Variants in USP47 observed in about 807,000 individuals in gnomAD.
USP47 encodes ubiquitin carboxyl-terminal hydrolase 47.
Under a neutral mutation model 165.1 loss-of-function variants are expected in USP47, and 35 were observed. The ratio of observed to expected loss-of-function variants is 0.21; its 90% CI spans 0.16 to 0.28. The LOEUF is 0.28. Ranked by LOEUF, USP47 falls within the 10% of genes least tolerant of loss-of-function variation. The pLI, the probability that USP47 is intolerant of heterozygous loss-of-function variation, is 1.00. For synonymous variants in USP47, 531 were observed against 544.5 expected (o/e 0.98, Z 0.35); for missense variants, 1,277 against 1,607.4 (o/e 0.79, Z 3.52).
At chr11:11,931,465 C>A (rs909715890) in intron 14 of USP47, among the ~76,000 whole-genome samples, 1 of 151,994 alleles carries the variant, frequency 6.6e-6, no homozygotes, top group Non-Finnish European at 1.5e-5. Flanking sequence ...GATTTAAGAG[C>A]AGAAGTAATC....
intron 1 of USP47, among the ~76,000 whole-genome samples, chr11:11,871,544 C>CTGGT (rs1206172048): frequency 8.9e-6 from 1 of 112,956 alleles, no homozygotes; most frequent in Non-Finnish European, 1.9e-5. Flanking sequence ...AAAAAGAATT[C>CTGGT]TGGTTGGTGG....
intron 18 of USP47, among the ~76,000 whole-genome samples, chr11:11,938,620 A>G (rs1855245652): frequency 6.6e-6 from 1 of 152,094 alleles, no homozygotes; most frequent in Non-Finnish European, 1.5e-5. Context: ...TTGGAAATGT[A>G]AGTACAGTTT....
chr11:11,929,387 G>C, intron 11 of USP47, 47 bp from the exon 12 acceptor site: 1 of 1,595,784 alleles, frequency 6.3e-7, no homozygotes, highest in Non-Finnish European at 8.5e-7. Flanking sequence ...ACAAATAAGG[G>C]TTGTGTTTTC....
At chr11:11,900,227 C>T (rs948056191) in intron 5 of USP47, among the ~76,000 whole-genome samples, 1 of 141,410 alleles carries the variant, frequency 7.1e-6, no homozygotes, top group African/African-American at 2.7e-5. Flanking sequence ...GGCGCGATCT[C>T]GGCTCACTGC....
At chr11:11,919,485 G>A (rs1194104042) in intron 8 of USP47, among the ~76,000 whole-genome samples, 2 of 151,838 alleles carry the variant, frequency 1.3e-5, no homozygotes, top group Non-Finnish European at 2.9e-5. Flanking sequence ...TTCTTTAACA[G>A]TATTTATATG....
At chr11:11,920,544 T>C in intron 10 of USP47, 50 bp downstream of exon 10, 1 of 1,527,084 alleles carries the variant, frequency 6.5e-7, no homozygotes, top group East Asian at 2.3e-5. Context: ...CATTAGTCAG[T>C]CATGGTTTTG....
chr11:11,939,248 G>A (rs1212251777), intron 18 of USP47, among the ~76,000 whole-genome samples: 2 of 151,988 alleles, frequency 1.3e-5, no homozygotes, highest in Non-Finnish European at 1.5e-5. Context: ...TTCTTGAACC[G>A]TAGGTTAATA....
At chr11:11,931,510 A>G (rs1047147279) in intron 14 of USP47, among the ~76,000 whole-genome samples, 3 of 152,200 alleles carry the variant, frequency 2.0e-5, no homozygotes, top group African/African-American at 7.2e-5. Flanking sequence ...TACCCCAAAG[A>G]GTAAGCTGAC....
chr11:11,930,767 G>A lies in USP47; in HGVS notation c.1651+16G>A. 6.3e-7 allele frequency: 1 copy of A among 1,592,410 alleles called. No individual in the cohort carries two copies. The highest frequency in any genetic ancestry group is 8.5e-7 in the Non-Finnish European group (1 of 1,169,882). On this transcript the variant is annotated intron_variant, in intron 14 of 27. Transcript: ENST00000527733. ...AGAAATGCAAGTATGTTTACCTACA[G>A]TTATTTGATTTTAATTTGTGTTATA...
intron 17 of USP47, among the ~76,000 whole-genome samples, chr11:11,937,403 T>C (rs976154570): frequency 6.6e-6 from 1 of 151,886 alleles, no homozygotes; most frequent in African/African-American, 2.4e-5. Context: ...CCTGTATATC[T>C]CCTTTTTAAA....
chr11:11,883,912 G>C (rs1274216205), intron 2 of USP47, among the ~76,000 whole-genome samples: 1 of 152,026 alleles, frequency 6.6e-6, no homozygotes, highest in African/African-American at 2.4e-5. Context: ...ACTGGGACAG[G>C]CTTTTCCTTA....
chr11:11,899,608 C>T (rs905456078), intron 5 of USP47, among the ~76,000 whole-genome samples: 1 of 151,924 alleles, frequency 6.6e-6, no homozygotes, highest in African/African-American at 2.4e-5. Context: ...TAAGGGCCTC[C>T]CTGAGGACAT....
intron 14 of USP47, among the ~76,000 whole-genome samples, chr11:11,931,162 C>T (rs1303859060): frequency 1.3e-5 from 2 of 151,714 alleles, no homozygotes; most frequent in South Asian, 4.2e-4. Context: ...GATGTGTTTG[C>T]TCATAGTCTT....
chr11:11,892,135 A>C, intron 4 of USP47, 29 bp downstream of exon 4: 3 of 1,603,024 alleles, frequency 1.9e-6, no homozygotes, highest in East Asian at 2.2e-5. Context: ...TCATAAAATC[A>C]TAGGGCATTA....
chr11:11,952,972 C>A, intron 25 of USP47, 101 bp downstream of exon 25: 1 of 974,170 alleles, frequency 1.0e-6, no homozygotes, highest in Non-Finnish European at 1.3e-6. Flanking sequence ...TCCTGTGTTG[C>A]GTAAGAGAAA....
At chr11:11,860,028 C>T (rs1363905359) in intron 1 of USP47, among the ~76,000 whole-genome samples, 3 of 150,390 alleles carry the variant, frequency 2.0e-5, no homozygotes, top group Admixed American at 6.6e-5. Context: ...TGCGTGAACC[C>T]GGGAGATGTA....
At chr11:11,892,193 G>A in intron 4 of USP47, 87 bp downstream of exon 4, 2 of 1,417,708 alleles carry the variant, frequency 1.4e-6, no homozygotes, top group South Asian at 1.4e-5. Context: ...CTTATTTTAT[G>A]GATAAGAAAA....
chr11:11,894,517 C>G (rs1851732314), intron 4 of USP47, among the ~76,000 whole-genome samples: 1 of 152,126 alleles, frequency 6.6e-6, no homozygotes, highest in African/African-American at 2.4e-5. Flanking sequence ...TATAGCTGCT[C>G]TGTAGTAGGC....
intron 1 of USP47, among the ~76,000 whole-genome samples, chr11:11,849,340 G>A (rs918794930): frequency 3.3e-5 from 5 of 152,174 alleles, no homozygotes; most frequent in Admixed American, 1.3e-4. Context: ...ATCAATTGGG[G>A]CCCATTTTCT....
Sources: gnomAD v4.1 joint callset for allele counts (sites outside exome capture counted in the v4.1 genomes callset) on GRCh38, gnomAD v4.1.1 for gene constraint, MANE v1.5 for transcripts, NCBI Gene and HGNC (gene_info 2026-07-23, HGNC 2026-07-21) for gene names.